Variants in HSD11B2 observed in about 807,000 individuals in gnomAD.
HSD11B2 encodes the protein 11-beta-hydroxysteroid dehydrogenase type 2.
In HSD11B2, 17 loss-of-function variants were observed where a neutral mutation model predicts 20.9. The observed-to-expected ratio is 0.81, with a 90% CI of 0.56 to 1.22. The LOEUF is 1.22. Among genes scored for constraint, HSD11B2 ranks in the 50% most tolerant of loss-of-function variants. The pLI is 0.00. For synonymous variants in HSD11B2, 253 were observed against 255.4 expected, an observed-to-expected ratio of 0.99 and a Z score of 0.09; for missense variants, 480 against 563.6, an observed-to-expected ratio of 0.85 and a Z score of 1.50.
rs374453659 is a variant in HSD11B2, at chr16:67,435,843, C to G, written c.478+3C>G. 3.7e-6 allele frequency: 6 copies of G among 1,614,018 alleles called. No individual in the cohort carries two copies. In the South Asian group the frequency reaches 6.6e-5, roughly 18 times the overall value. ...CAAGGCCCACACCACCAGCACCGGT[C>G]AGTGGCAAGTGTCCACCAGGCAAGG... On this transcript the variant is annotated splice_donor_region_variant and intron_variant, in intron 2 of 4. Transcript: ENST00000326152.
At position 67,436,212 on chromosome 16, in the gene HSD11B2, C is replaced by G. The variant is rs45627835; in HGVS notation, c.665-37C>G. On this transcript the variant is annotated intron_variant, in intron 3 of 4. Transcript: ENST00000326152. The surrounding 1 kb of genome is among the most constrained non-coding windows in gnomAD (Gnocchi z 5.7). ...GGGGGAGGGCTTAGGGAGCCCCTTG[C>G]CAAAGCTGAGCTGCCCCACTCCCAA... 99 of 1,613,844 alleles carry G rather than the reference C, an allele frequency of 6.1e-5. 2 individuals carry two copies. In the East Asian group the frequency reaches 1.9e-3, roughly 31 times the overall value.
chr16:67,432,259 AGGG>A (rs35257037), intron 1 of HSD11B2, among the ~76,000 whole-genome samples: 3 of 103,362 alleles, frequency 2.9e-5, no homozygotes, highest in African/African-American at 9.6e-5. Flanking sequence ...GGGAAGGGGA[AGGG>A]GGGGGGGGGC....
At chr16:67,435,581 T>A in intron 1 of HSD11B2, 47 bp from the exon 2 acceptor site, 1 of 1,502,688 alleles carries the variant, frequency 6.7e-7, no homozygotes, top group Non-Finnish European at 9.2e-7. Context: ...TGTCTCAGGC[T>A]AGGCTGGGCC....
rs1198200755 is a variant in HSD11B2 at position 67,435,725 on chromosome 16, C to T, written c.363C>T (p.Ala121=). 1 of 1,614,042 alleles carries T rather than the reference C, an allele frequency of 6.2e-7. No individual in the cohort carries two copies. The highest frequency in any genetic ancestry group is 1.1e-5 in the South Asian group (1 of 91,086). The change falls in exon 2 of 5, where the codon GCC becomes GCT. Residue 121 remains alanine, a synonymous_variant. Transcript: ENST00000326152. ...TATTGGAGTTGAACAGCCCCGGTGC[C>T]ATCGAGCTGCGTACCTGCTGCTCCC... ...ATVLELNSPG[A]IELRTCCSPR...
chr16:67,431,421 T>A lies in HSD11B2; in HGVS notation c.173T>A (p.Leu58His). 1 of 1,300,356 alleles carries A rather than the reference T, an allele frequency of 7.7e-7. No individual in the cohort carries two copies. The allele number at this position is 1,300,356 out of a possible 1,614,324, so 80.6% of individuals were successfully genotyped here. Residue 58 changes from leucine (L) to histidine (H), a missense_variant, in exon 1 of 5, where the codon CTC becomes CAC. Around this residue, in one of 2 missense-constraint regions of HSD11B2, gnomAD observed 106 missense variants for 82.8 expected, o/e 1.28. Coordinates refer to ENST00000326152, the MANE Select transcript of HSD11B2 (RefSeq NM_000196.4). ...CQRLLPPPAALAVLAAAGWIA... is the reference protein window; with the variant it reads ...CQRLLPPPAAHAVLAAAGWIA... ...CGCCTGCTGCCCCCGCCGGCCGCAC[T>A]CGCCGTGCTGGCCGCCGCCGGCTGG...
Position 67,434,452 on chromosome 16 carries a change from A to G in HSD11B2, c.266-1176A>G, listed in dbSNP as rs528746837. 7.0e-4 allele frequency among the ~76,000 whole-genome samples: 106 copies of G among 152,352 alleles called. 1 individual carries two copies. Among genetic ancestry groups the G allele is most frequent in the Non-Finnish European group, 2.4e-4 (16 of 68,038 alleles). ...GCAGCCCTGGGAAGGTTTGTAGCACAGAGGGATATTGTCATTTTTGGAAAG... is the reference window on the plus strand; with the variant it reads ...GCAGCCCTGGGAAGGTTTGTAGCACGGAGGGATATTGTCATTTTTGGAAAG... On this transcript the variant is annotated intron_variant, in intron 1 of 4. Transcript: ENST00000326152.
At chr16:67,433,764 G>A (rs1008107050) in intron 1 of HSD11B2, among the ~76,000 whole-genome samples, 1 of 151,774 alleles carries the variant, frequency 6.6e-6, no homozygotes, top group Non-Finnish European at 1.5e-5. Flanking sequence ...GACTTGCCTG[G>A]GAAGTACCCC....
chr16:67,435,869 G>A (rs754268963), intron 2 of HSD11B2, 29 bp downstream of exon 2: 17 of 1,613,774 alleles, frequency 1.1e-5, no homozygotes, highest in Non-Finnish European at 1.4e-5. Context: ...CCAGGCAAGG[G>A]CGTGGCAGGG....
In HSD11B2 at chr16:67,437,160, C is replaced by G; in HGVS notation, c.*157C>G. ...TCATGCCCACTGCCGATGCCCAATC[C>G]AGGCCCGGTGAGGCCAAGGTTTCCC... On this transcript the variant is annotated 3_prime_UTR_variant, in exon 5 of 5. Transcript: ENST00000326152. 1 of 801,154 alleles carries G rather than the reference C, an allele frequency of 1.2e-6. No individual in the cohort carries two copies. The highest frequency in any genetic ancestry group is 2.0e-6 in the Non-Finnish European group (1 of 512,564). 49.6% of individuals were successfully genotyped at this position (801,154 alleles called of 1,614,324 possible). A position where few individuals can be genotyped will look rare whatever the true frequency, so the allele number is the denominator to read the frequency against.
intron 1 of HSD11B2, among the ~76,000 whole-genome samples, chr16:67,434,044 C>A (rs1015809638): frequency 1.3e-5 from 2 of 152,148 alleles, no homozygotes; most frequent in African/African-American, 4.8e-5. Context: ...ATCAAGGAGG[C>A]AGGGGCTTAT....
intron 1 of HSD11B2, 128 bp downstream of exon 1, chr16:67,431,641 C>T: frequency 9.7e-7 from 1 of 1,028,142 alleles, no homozygotes; most frequent in Non-Finnish European, 1.2e-6. Context: ...GAGTTCTCCA[C>T]CCCTGGGTGC....
In HSD11B2 at chr16:67,431,349, T is replaced by TGCTGGCGGC; in HGVS notation, c.109_117dup (p.Ala37_Ala39dup). ...TCAGACCTGCGTCTGGGCCGCCCGC[T>TGCTGGCGGC]GCTGGCGGCGCTGGCGCTGCTGGCC... On this transcript the variant is annotated inframe_insertion, in exon 1 of 5. Coordinates refer to ENST00000326152, the MANE Select transcript of HSD11B2 (RefSeq NM_000196.4). 1 of 1,241,228 alleles carries TGCTGGCGGC rather than the reference T, an allele frequency of 8.1e-7. No individual in the cohort carries two copies. Among genetic ancestry groups the TGCTGGCGGC allele is most frequent in the Non-Finnish European group, 1.0e-6 (1 of 982,908 alleles). The allele number at this position is 1,241,228 out of a possible 1,614,324, so 76.9% of individuals were successfully genotyped here.
At position 67,436,444 on chromosome 16, in the gene HSD11B2, A is replaced by T; in HGVS notation, c.802+58A>T. On this transcript the variant is annotated intron_variant, in intron 4 of 4. Coordinates refer to ENST00000326152, the MANE Select transcript of HSD11B2 (RefSeq NM_000196.4). The surrounding 1 kb of genome is among the most constrained non-coding windows in gnomAD (Gnocchi z 5.7). ...GGGGAATGGGGCTGGGAATGGTCTT[A>T]TGGGGGCAGGTCAGGTTTGATGAAT... 6.6e-7 allele frequency: 1 copy of T among 1,512,838 alleles called. No homozygotes were observed. Among genetic ancestry groups the T allele is most frequent in the Non-Finnish European group, 9.0e-7 (1 of 1,113,340 alleles). 93.7% of individuals were successfully genotyped at this position (1,512,838 alleles called of 1,614,324 possible).
chr16:67,433,591 G>A (rs750359793), intron 1 of HSD11B2, among the ~76,000 whole-genome samples: 3 of 152,000 alleles, frequency 2.0e-5, no homozygotes, highest in Non-Finnish European at 4.4e-5. Context: ...GAGGCCTGTG[G>A]TCAGCTCAGG....
chr16:67,436,493 T>C lies in HSD11B2; in HGVS notation c.803-95T>C. The C allele has an allele frequency of 6.5e-7, 1 of 1,548,556 alleles. No individual in the cohort carries two copies. The highest frequency in any genetic ancestry group is 8.8e-7 in the Non-Finnish European group (1 of 1,138,614). ...ATGGTCATGGTTTTGGTTGGGGGTG[T>C]AGTTTTGGCTGCAGACCTGGCGCGG... On this transcript the variant is annotated intron_variant, in intron 4 of 4. Transcript: ENST00000326152. The surrounding 1 kb of genome is among the most constrained non-coding windows in gnomAD (Gnocchi z 5.7).
rs143819538 is a variant in HSD11B2, at chr16:67,435,803, C to T, written c.441C>T (p.Arg147=). The T allele has an allele frequency of 1.0e-4, 163 of 1,614,044 alleles. No individual in the cohort carries two copies. Among genetic ancestry groups the T allele is most frequent in the East Asian group, 1.6e-4 (7 of 44,880 alleles). The stretch of plus-strand genomic sequence containing the variant: ...TGACCAAACCAGGAGACATTAGCCG[C>T]GTGCTAGAGTTCACCAAGGCCCACA... The part of the protein sequence containing the change: ...MDLTKPGDIS[R]VLEFTKAHTT... The change falls in exon 2 of 5, where the codon CGC becomes CGT. Residue 147 remains arginine, a synonymous_variant. Coordinates refer to ENST00000326152, the MANE Select transcript of HSD11B2 (RefSeq NM_000196.4).
In HSD11B2 at chr16:67,437,376, A is replaced by G. The variant is rs932925261; in HGVS notation, c.*373A>G. 22 of 338,642 alleles carry G rather than the reference A, an allele frequency of 6.5e-5. No homozygotes were observed. Among genetic ancestry groups the G allele is most frequent in the Non-Finnish European group, 6.6e-5 (12 of 181,856 alleles). 21.0% of individuals were successfully genotyped at this position (338,642 alleles called of 1,614,324 possible). On this transcript the variant is annotated 3_prime_UTR_variant, in exon 5 of 5. Coordinates refer to ENST00000326152, the MANE Select transcript of HSD11B2 (RefSeq NM_000196.4). ...GACTAGGTGGGTTGGGGACCCCCTC[A>G]GGATTGTTTCTCGGCACCAGTGCCT... is the stretch of plus-strand genomic sequence containing the variant.
At position 67,436,835 on chromosome 16, in the gene HSD11B2, C is replaced by T. The variant is rs1567531002; in HGVS notation, c.1050C>T (p.Ile350=). 4 of 1,613,758 alleles carry T rather than the reference C, an allele frequency of 2.5e-6. No individual in the cohort carries two copies. Among genetic ancestry groups the T allele is most frequent in the Non-Finnish European group, 3.4e-6 (4 of 1,180,022 alleles). The part of the protein sequence containing the change: ...PGQGLGLMYF[I]HYYLPEGLRR... ...AGGGCCTGGGGCTCATGTACTTCAT[C>T]CACTACTACCTGCCTGAAGGCCTGC... The change falls in exon 5 of 5, where the codon ATC becomes ATT. Residue 350 remains isoleucine, a synonymous_variant. Transcript: ENST00000326152. This position sits in a 1 kb window ranked among gnomAD's most constrained non-coding sequence, Gnocchi z 5.7.
chr16:67,436,714 C>G lies in HSD11B2; in HGVS notation c.929C>G (p.Ser310Trp), dbSNP rs775550503. ...IEHLHGQFLHSLRLAMSDLTP... is the reference protein window; with the variant it reads ...IEHLHGQFLHWLRLAMSDLTP... ...CACTTGCATGGGCAGTTCCTGCACT[C>G]GCTACGCCTGGCCATGTCCGACCTC... Residue 310 changes from serine (S) to tryptophan (W), a missense_variant, in exon 5 of 5, where the codon TCG (serine) becomes TGG (tryptophan). Around this residue, in one of 2 missense-constraint regions of HSD11B2, gnomAD observed 374 missense variants for 480.9 expected, o/e 0.78. Coordinates refer to ENST00000326152, the MANE Select transcript of HSD11B2 (RefSeq NM_000196.4). The surrounding 1 kb of genome is among the most constrained non-coding windows in gnomAD (Gnocchi z 5.7). 1 of 1,614,140 alleles carries G rather than the reference C, an allele frequency of 6.2e-7. No homozygotes were observed. Among genetic ancestry groups the G allele is most frequent in the Non-Finnish European group, 8.5e-7 (1 of 1,180,030 alleles).
Sources: allele counts gnomAD v4.1 joint callset (sites outside exome capture counted in the v4.1 genomes callset), GRCh38; gene constraint gnomAD v4.1.1; regional missense constraint gnomAD v4.1.1; non-coding constraint Gnocchi (gnomAD v3.1); transcripts MANE v1.5; gene names NCBI Gene and HGNC (gene_info 2026-07-23, HGNC 2026-07-21).